GRPR: variants seen among roughly 807,000 people sequenced by gnomAD.
GRPR encodes gastrin releasing peptide receptor, also known as gastrin-releasing peptide receptor.
A neutral mutation model predicts 15.6 loss-of-function variants in GRPR; 4 were observed. That is an observed-to-expected ratio of 0.26 (90% CI 0.13 to 0.59). The LOEUF is 0.59. Ranked by LOEUF, GRPR falls within the 20% of genes least tolerant of loss-of-function variation. The pLI is 0.90. For missense variants in GRPR, 270 were observed against 304.1 expected (o/e 0.89, Z 0.83); for synonymous variants, 128 against 126.8 (o/e 1.01, Z -0.06).
In GRPR at chrX:16,123,817, A is replaced by G; in HGVS notation, c.-137A>G. ...GAGTTTTGAATACCATAGTTAGTAT[A>G]TATGTACTCAGAGTATTTTTATTAA... On this transcript the variant is annotated 5_prime_UTR_variant, in exon 1 of 3. In the 5' UTR this introduces an upstream ATG that the reference lacks. Transcript: ENST00000380289. The G allele has an allele frequency of 5.6e-6, 3 of 532,711 alleles. No individual in the cohort carries two copies. Among genetic ancestry groups the G allele is most frequent in the Non-Finnish European group, 9.8e-6 (3 of 305,449 alleles). The allele number at this position is 532,711 out of a possible 1,213,427, so 43.9% of individuals were successfully genotyped here. A position where few individuals can be genotyped will look rare whatever the true frequency, so the allele number is the denominator to read the frequency against.
chrX:16,128,396 T>C (rs1445729492), intron 1 of GRPR, among the ~76,000 whole-genome samples: 2 of 110,419 alleles, frequency 1.8e-5, no homozygotes, highest in African/African-American at 6.6e-5. Flanking sequence ...GAGCCTGTCA[T>C]CCCAGTTACT....
rs1407474578 is a variant in GRPR, at chrX:16,124,329, G to T, written c.376G>T (p.Val126Leu). 15 of 1,211,056 alleles carry T rather than the reference G, an allele frequency of 1.2e-5. No individual in the cohort carries two copies. Among genetic ancestry groups the T allele is most frequent in the Non-Finnish European group, 1.7e-5 (15 of 894,923 alleles). Residue 126 changes from valine (V) to leucine (L), a missense_variant, in exon 1 of 3, where the codon GTG becomes TTG. By Grantham distance (32) the Val-to-Leu change is conservative. Coordinates refer to ENST00000380289, the MANE Select transcript of GRPR (RefSeq NM_005314.3). The stretch of plus-strand genomic sequence containing the variant: ...CTTTATACAGCTTACCTCTGTTGGG[G>T]TGTCTGTCTTCACACTCACGGCGCT... ...IPFIQLTSVG[V>L]SVFTLTALSA...
rs1050838514 is a variant in GRPR, at chrX:16,124,384, G to C, written c.413+18G>C. ...GCAGACAGGTAAGTACAGGCTGAAA[G>C]TTACATGCTCTCCAAGGGTGATAGA... On this transcript the variant is annotated intron_variant, in intron 1 of 2. Coordinates refer to ENST00000380289, the MANE Select transcript of GRPR (RefSeq NM_005314.3). 1 of 1,190,874 alleles carries C rather than the reference G, an allele frequency of 8.4e-7. No individual in the cohort carries two copies.
rs191180692 is a variant in GRPR, at chrX:16,127,548, G to A, written c.413+3182G>A. Reference sequence around the variant, plus strand: ...CTGGCTCTGTTTCCTGGCTTATGCTGTGTCCCACCCGCTCTCCAGAATGCT... The same window carrying A: ...CTGGCTCTGTTTCCTGGCTTATGCTATGTCCCACCCGCTCTCCAGAATGCT... On this transcript the variant is annotated intron_variant, in intron 1 of 2. Coordinates refer to ENST00000380289, the MANE Select transcript of GRPR (RefSeq NM_005314.3). 1.0e-3 allele frequency among the ~76,000 whole-genome samples: 115 copies of A among 110,916 alleles called. 1 individual carries two copies. Among genetic ancestry groups the A allele is most frequent in the African/African-American group, 3.6e-3 (109 of 30,534 alleles).
rs769113444 is a variant in GRPR at position 16,152,571 on chromosome X, C to T, written c.1081C>T (p.Leu361Phe). The change falls in exon 3 of 3, where the codon CTC becomes TTC. Residue 361 changes from leucine (L) to phenylalanine (F), a missense_variant. By Grantham distance (22) the Leu-to-Phe change is conservative. Coordinates refer to ENST00000380289, the MANE Select transcript of GRPR (RefSeq NM_005314.3). ...AAGGAGTACAACCTGCATGACCTCC[C>T]TCAAGAGTACCAACCCCTCCGTGGC... ...TGRSTTCMTSLKSTNPSVATF... is the reference protein window; with the variant it reads ...TGRSTTCMTSFKSTNPSVATF... 8.3e-7 allele frequency: 1 copy of T among 1,203,370 alleles called. No individual in the cohort carries two copies. Among genetic ancestry groups the T allele is most frequent in the African/African-American group, 1.8e-5 (1 of 57,057 alleles).
Position 16,126,742 on chromosome X carries a change from A to G in GRPR, c.413+2376A>G, listed in dbSNP as rs73446168. Among the ~76,000 whole-genome samples the G allele has an allele frequency of 8.4e-3, 945 of 112,035 alleles. 19 individuals are homozygous for G. Among genetic ancestry groups the G allele is most frequent in the African/African-American group, 0.029 (883 of 30,846 alleles). ...TCTTATGCTTATCATTATCTCTGTG[A>G]TATTCACCTGTATTAATACGTGTAA... On this transcript the variant is annotated intron_variant, in intron 1 of 2. Transcript: ENST00000380289.
chrX:16,127,578 C>G (rs1922313022), intron 1 of GRPR, among the ~76,000 whole-genome samples: 1 of 111,552 alleles, frequency 9.0e-6, no homozygotes, highest in Non-Finnish European at 1.9e-5. Context: ...AATGCTTTCT[C>G]CTTTCCTAAA....
At position 16,152,656 on chromosome X, in the gene GRPR, G is replaced by C; in HGVS notation, c.*11G>C. 1.7e-6 allele frequency: 2 copies of C among 1,200,730 alleles called. No individual in the cohort carries two copies. The highest frequency in any genetic ancestry group is 2.3e-6 in the Non-Finnish European group (2 of 886,395). On this transcript the variant is annotated 3_prime_UTR_variant, in exon 3 of 3. Coordinates refer to ENST00000380289, the MANE Select transcript of GRPR (RefSeq NM_005314.3). The stretch of plus-strand genomic sequence containing the variant: ...GAGCGGTATGTCTAGATTGACCCTT[G>C]ATTTTGCCCCCTGAGGGACGGTTTT...
intron 1 of GRPR, among the ~76,000 whole-genome samples, chrX:16,135,770 G>A (rs1000911385): frequency 1.8e-5 from 2 of 112,196 alleles, no homozygotes; most frequent in African/African-American, 6.5e-5. Context: ...TACCCCATGA[G>A]TACATATGGG....
intron 1 of GRPR, among the ~76,000 whole-genome samples, chrX:16,134,938 C>T (rs982778387): frequency 1.8e-5 from 2 of 111,229 alleles, no homozygotes; most frequent in Non-Finnish European, 3.8e-5. Flanking sequence ...AGTTTGCCAT[C>T]AAAAAGAGTA....
Position 16,152,564 on chromosome X carries a change from G to A in GRPR, c.1074G>A (p.Met358Ile), listed in dbSNP as rs780484842. The change falls in exon 3 of 3, where the codon ATG becomes ATA. Residue 358 changes from methionine to isoleucine, a missense_variant. This residue lies in a region of GRPR where 133 missense variants were observed against 123.4 expected (regional missense o/e 1.08). Coordinates refer to ENST00000380289, the MANE Select transcript of GRPR (RefSeq NM_005314.3). ...SHSTGRSTTC[M>I]TSLKSTNPSV... ...GCACTGGAAGGAGTACAACCTGCATGACCTCCCTCAAGAGTACCAACCCCT... is the reference window on the plus strand; with the variant it reads ...GCACTGGAAGGAGTACAACCTGCATAACCTCCCTCAAGAGTACCAACCCCT... 3 of 1,206,729 alleles carry A rather than the reference G, an allele frequency of 2.5e-6. No individual in the cohort carries two copies. Among genetic ancestry groups the A allele is most frequent in the Non-Finnish European group, 3.4e-6 (3 of 890,806 alleles).
intron 1 of GRPR, among the ~76,000 whole-genome samples, chrX:16,147,276 C>T (rs947097775): frequency 2.7e-5 from 3 of 111,823 alleles, no homozygotes; most frequent in African/African-American, 9.7e-5. Flanking sequence ...CCTTATCACA[C>T]TCAATACATT....
At chrX:16,151,441 C>G (rs1289028839) in intron 2 of GRPR, among the ~76,000 whole-genome samples, 1 of 111,946 alleles carries the variant, frequency 8.9e-6, no homozygotes, top group Non-Finnish European at 1.9e-5. Context: ...ACTCCCCACT[C>G]CATTTCAGTG....
At chrX:16,150,000 TTTA>T (rs1286057986) in intron 1 of GRPR, among the ~76,000 whole-genome samples, 4 of 111,975 alleles carry the variant, frequency 3.6e-5, no homozygotes, top group African/African-American at 1.3e-4. Context: ...TTTTTATTTA[TTTA>T]TTTTTAATTG....
chrX:16,151,216 A>G (rs1453505661), intron 2 of GRPR, among the ~76,000 whole-genome samples: 4 of 112,460 alleles, frequency 3.6e-5, no homozygotes, highest in Non-Finnish European at 5.6e-5. Context: ...GAAGATTACA[A>G]GAGAGAGTAT....
chrX:16,135,096 G>A (rs1252939185), intron 1 of GRPR, among the ~76,000 whole-genome samples: 1 of 111,480 alleles, frequency 9.0e-6, no homozygotes, highest in African/African-American at 3.3e-5. Flanking sequence ...GCAATTTTGA[G>A]TGAGAGAAGT....
intron 1 of GRPR, among the ~76,000 whole-genome samples, chrX:16,134,529 C>T (rs1373327815): frequency 8.9e-6 from 1 of 111,838 alleles, no homozygotes; most frequent in Non-Finnish European, 1.9e-5. Context: ...AGTGGCATTA[C>T]ATCTGATGCA....
In GRPR at chrX:16,150,579, T is replaced by C. The variant is rs759828887; in HGVS notation, c.688T>C (p.Tyr230His). ...TCCACTGTCGATCATCTCTGTTTAC[T>C]ACTACTTCATTGCTAAAAATCTGAT... ...VIPLSIISVY[Y>H]YFIAKNLIQS... The change falls in exon 2 of 3, where the codon TAC becomes CAC. Residue 230 changes from tyrosine to histidine, a missense_variant. Tyr to His is a moderately conservative substitution (Grantham distance 83, BLOSUM62 2). Coordinates refer to ENST00000380289, the MANE Select transcript of GRPR (RefSeq NM_005314.3). 3.3e-6 allele frequency: 4 copies of C among 1,196,865 alleles called. No individual in the cohort carries two copies. In the South Asian group the frequency reaches 7.1e-5, roughly 21 times the overall value.
intron 1 of GRPR, among the ~76,000 whole-genome samples, chrX:16,142,072 T>C (rs1480302485): frequency 1.8e-5 from 2 of 111,898 alleles, no homozygotes; most frequent in Admixed American, 1.9e-4. Flanking sequence ...GTAGATGATA[T>C]TAAAATTGCA....
Sources: gnomAD v4.1 joint callset for allele counts (sites outside exome capture counted in the v4.1 genomes callset) on GRCh38, gnomAD v4.1.1 for gene constraint, gnomAD v4.1.1 regional missense constraint, MANE v1.5 for transcripts, NCBI Gene and HGNC (gene_info 2026-07-23, HGNC 2026-07-21) for gene names.